The following SLIT2 variants were observed in gnomAD, a reference collection of about 807,000 sequenced individuals.
SLIT2 encodes slit homolog 2 protein.
A neutral mutation model predicts 185.7 loss-of-function variants in SLIT2; 41 were observed. The ratio of observed to expected loss-of-function variants is 0.22; its 90% CI spans 0.17 to 0.29. The LOEUF (loss-of-function observed/expected upper bound fraction) is 0.29, where lower values mean the gene tolerates loss of function less well. Among genes scored for constraint, SLIT2 ranks in the 10% least tolerant of loss-of-function variants. The probability of loss-of-function intolerance (pLI) is 1.00; values close to 1 mark genes in which losing one functional copy is unlikely to be tolerated. For missense variants in SLIT2, 1,571 were observed against 1,909.0 expected (o/e 0.82, Z 3.30); for synonymous variants, 693 against 680.2 (o/e 1.02, Z -0.29).
intron 8 of SLIT2, among the ~76,000 whole-genome samples, chr4:20,491,332 G>A (rs1160430642): frequency 6.6e-6 from 1 of 151,930 alleles, no homozygotes; most frequent in East Asian, 1.9e-4. Context: ...CTACTGTTTT[G>A]TTTTCTTTTT....
chr4:20,581,264 G>C (rs1261568320), intron 29 of SLIT2, among the ~76,000 whole-genome samples: 2 of 151,956 alleles, frequency 1.3e-5, no homozygotes, highest in Non-Finnish European at 2.9e-5. Flanking sequence ...TGGTATCCAG[G>C]TTTCCCTTTT....
chr4:20,565,722 C>T (rs1725035177), intron 26 of SLIT2, among the ~76,000 whole-genome samples: 1 of 151,872 alleles, frequency 6.6e-6, no homozygotes, highest in African/African-American at 2.4e-5. Flanking sequence ...ACTGAGGCAT[C>T]ACTAGAAGAA....
Position 20,535,793 on chromosome 4 carries a change from T to A in SLIT2, c.1832+2078T>A, listed in dbSNP as rs145148418. Among the ~76,000 whole-genome samples, 376 of 152,156 alleles carry A rather than the reference T, an allele frequency of 2.5e-3. 2 individuals carry two copies. The highest frequency in any genetic ancestry group is 8.6e-3 in the African/African-American group (356 of 41,522). ...CATTTTCTTCTTGTAAGGATGGCAGTCCGTCAGGATGGGATCCACACAATC... is the reference window on the plus strand; with the variant it reads ...CATTTTCTTCTTGTAAGGATGGCAGACCGTCAGGATGGGATCCACACAATC... On this transcript the variant is annotated intron_variant, in intron 18 of 36. Coordinates refer to ENST00000504154, the MANE Select transcript of SLIT2 (RefSeq NM_004787.4).
chr4:20,489,135 T>C (rs927823034), intron 8 of SLIT2, 153 bp downstream of exon 8: 14 of 492,502 alleles, frequency 2.8e-5, no homozygotes, highest in African/African-American at 2.5e-4. Flanking sequence ...TCAGTGAAAA[T>C]ATGTTCTGAG....
At chr4:20,557,117 C>A (rs6829152) in intron 26 of SLIT2, among the ~76,000 whole-genome samples, 59,506 of 151,940 alleles carry the variant, frequency 0.39, 12,965 homozygotes, top group East Asian at 0.82. Context: ...CCTTCTCTGT[C>A]ACATGAAAGT....
chr4:20,417,764 C>T (rs1238505210), intron 4 of SLIT2, among the ~76,000 whole-genome samples: 1 of 151,878 alleles, frequency 6.6e-6, no homozygotes, highest in East Asian at 1.9e-4. Flanking sequence ...GTGATCCGCC[C>T]GCCTCAGCCT....
intron 4 of SLIT2, among the ~76,000 whole-genome samples, chr4:20,344,382 G>A (rs987147316): frequency 1.3e-5 from 2 of 152,032 alleles, no homozygotes; most frequent in Admixed American, 6.6e-5. Context: ...ATTTTTTTAG[G>A]TATTATACAC....
intron 9 of SLIT2, among the ~76,000 whole-genome samples, chr4:20,507,708 A>G (rs1233651145): frequency 6.6e-6 from 1 of 151,714 alleles, no homozygotes; most frequent in Non-Finnish European, 1.5e-5. Flanking sequence ...TATTTTCAAG[A>G]ACCTGAAATA....
At chr4:20,483,573 T>C (rs1051836589) in intron 6 of SLIT2, among the ~76,000 whole-genome samples, 1 of 152,060 alleles carries the variant, frequency 6.6e-6, no homozygotes, top group Non-Finnish European at 1.5e-5. Context: ...AGAATGAACA[T>C]AATTTAGTGT....
intron 26 of SLIT2, among the ~76,000 whole-genome samples, chr4:20,561,620 G>C (rs1040346244): frequency 2.0e-5 from 3 of 151,584 alleles, no homozygotes; most frequent in African/African-American, 7.3e-5. Context: ...AAACTGATCA[G>C]TTAGATCAGT....
chr4:20,502,762 T>A (rs1412610902), intron 9 of SLIT2, among the ~76,000 whole-genome samples: 1 of 152,194 alleles, frequency 6.6e-6, no homozygotes, highest in East Asian at 1.9e-4. Flanking sequence ...ACTGTCCCGA[T>A]GGCGATAGAA....
chr4:20,514,298 A>G (rs1276753280), intron 11 of SLIT2, among the ~76,000 whole-genome samples: 1 of 152,208 alleles, frequency 6.6e-6, no homozygotes, highest in Non-Finnish European at 1.5e-5. Context: ...AAATAAAACT[A>G]TTTAAAGGTG....
At chr4:20,354,294 T>G (rs1444911621) in intron 4 of SLIT2, among the ~76,000 whole-genome samples, 3 of 152,146 alleles carry the variant, frequency 2.0e-5, no homozygotes, top group Non-Finnish European at 4.4e-5. Flanking sequence ...GTCTTTCTCT[T>G]TAGAAGGTAA....
At chr4:20,406,040 C>A (rs951644459) in intron 4 of SLIT2, among the ~76,000 whole-genome samples, 1 of 143,020 alleles carries the variant, frequency 7.0e-6, no homozygotes, top group African/African-American at 2.4e-5. Context: ...TATGATACTA[C>A]AGTCTCTTTC....
intron 4 of SLIT2, among the ~76,000 whole-genome samples, chr4:20,300,604 G>GCA (rs3046031): frequency 8.6e-5 from 13 of 151,086 alleles, no homozygotes; most frequent in South Asian, 4.2e-4. Flanking sequence ...GTGCAGACAT[G>GCA]CACACACACA....
At chr4:20,289,390 T>C (rs558983964) in intron 4 of SLIT2, among the ~76,000 whole-genome samples, 3 of 152,198 alleles carry the variant, frequency 2.0e-5, no homozygotes, top group Non-Finnish European at 4.4e-5. Flanking sequence ...TAGTTACTAT[T>C]GTTGTTGCCA....
chr4:20,494,653 C>T (rs1277010682), intron 9 of SLIT2, among the ~76,000 whole-genome samples: 2 of 151,818 alleles, frequency 1.3e-5, no homozygotes, highest in Admixed American at 1.3e-4. Context: ...GTCGTGGATG[C>T]CTGTAGTCTC....
intron 29 of SLIT2, among the ~76,000 whole-genome samples, chr4:20,588,318 G>GA (rs939175937): frequency 6.6e-6 from 1 of 152,154 alleles, no homozygotes; most frequent in Non-Finnish European, 1.5e-5. Context: ...TGCATCACGG[G>GA]AAAAGACTCT....
Position 20,532,045 on chromosome 4 carries a change from C to A in SLIT2, c.1675C>A (p.Gln559Lys). The change falls in exon 17 of 37, where the codon CAA (glutamine) becomes AAA (lysine). Residue 559 changes from glutamine (Q) to lysine (K), a missense_variant. Gln to Lys is a moderately conservative substitution (Grantham distance 53, BLOSUM62 1). Transcript: ENST00000504154. ...EATGIFKKLP[Q>K]LRKINFSNNK... ...CACAGGAATCTTTAAGAAACTTCCT[C>A]AATTACGTAAAATGTAAGTCACTTG... 1 of 1,563,418 alleles carries A rather than the reference C, an allele frequency of 6.4e-7. No individual in the cohort carries two copies. The highest frequency in any genetic ancestry group is 1.2e-5 in the South Asian group (1 of 81,990).
Sources: allele counts gnomAD v4.1 joint callset (sites outside exome capture counted in the v4.1 genomes callset), GRCh38; gene constraint gnomAD v4.1.1; transcripts MANE v1.5; gene names NCBI Gene and HGNC (gene_info 2026-07-23, HGNC 2026-07-21).